ZNF541: variants seen among roughly 807,000 people sequenced by gnomAD.
ZNF541 encodes zinc finger protein 541.
In ZNF541, 23 loss-of-function variants were observed where a neutral mutation model predicts 123.5. The observed-to-expected ratio is 0.19, with a 90% CI of 0.13 to 0.26. ZNF541 has a LOEUF of 0.26. Among genes scored for constraint, ZNF541 ranks in the 10% least tolerant of loss-of-function variants. ZNF541 has a pLI of 1.00. For missense variants in ZNF541, 1,612 were observed against 1,789.9 expected (o/e 0.90, Z 1.79); for synonymous variants, 751 against 754.5 (o/e 1.00, Z 0.08).
chr19:47,553,836 G>C (rs778730884), intron 3 of ZNF541, among the ~76,000 whole-genome samples: 7 of 152,136 alleles, frequency 4.6e-5, no homozygotes, highest in Non-Finnish European at 8.8e-5. Context: ...CACCATGTCC[G>C]GCCAGAGCTA....
intron 4 of ZNF541, among the ~76,000 whole-genome samples, chr19:47,546,947 T>C (rs574997168): frequency 6.6e-6 from 1 of 152,340 alleles, no homozygotes; most frequent in Admixed American, 6.5e-5. Flanking sequence ...CTCGAACTCC[T>C]GACCCTCAAG....
intron 3 of ZNF541, among the ~76,000 whole-genome samples, chr19:47,551,041 CTTTT>C (rs201167827): frequency 1.4e-5 from 2 of 144,178 alleles, no homozygotes; most frequent in African/African-American, 2.6e-5. Flanking sequence ...ATTAGACTGT[CTTTT>C]TTTTTTTAAT....
chr19:47,525,986 A>G (rs1306935941), intron 14 of ZNF541, among the ~76,000 whole-genome samples: 2 of 151,880 alleles, frequency 1.3e-5, no homozygotes, highest in Admixed American at 1.3e-4. Context: ...TGGGTTAGGC[A>G]AAGAATTCTT....
intron 3 of ZNF541, 51 bp downstream of exon 3, chr19:47,555,499 A>G: frequency 6.8e-7 from 1 of 1,471,396 alleles, no homozygotes; most frequent in Non-Finnish European, 9.0e-7. Flanking sequence ...AGCTGGCCAC[A>G]GAAACTGTCG....
intron 4 of ZNF541, among the ~76,000 whole-genome samples, chr19:47,548,124 AAAAAC>A (rs1970434559): frequency 8.2e-6 from 1 of 122,522 alleles, no homozygotes; most frequent in Admixed American, 7.8e-5. Flanking sequence ...AAAAAGAAAA[AAAAAC>A]AAAAAAAAAA....
At chr19:47,564,871 C>A (rs1038119355) in intron 2 of ZNF541, among the ~76,000 whole-genome samples, 3 of 152,174 alleles carry the variant, frequency 2.0e-5, no homozygotes, top group Admixed American at 6.6e-5. Flanking sequence ...ATGTTTAGAG[C>A]AGCATAATTT....
chr19:47,542,828 C>G (rs969587371), intron 5 of ZNF541, among the ~76,000 whole-genome samples: 4 of 152,138 alleles, frequency 2.6e-5, no homozygotes, highest in African/African-American at 7.2e-5. Flanking sequence ...TGCCTGTAAT[C>G]CCAGCTACTC....
intron 2 of ZNF541, among the ~76,000 whole-genome samples, chr19:47,561,346 G>A (rs1000275382): frequency 2.6e-5 from 4 of 152,014 alleles, no homozygotes; most frequent in East Asian, 1.9e-4. Flanking sequence ...GCTGAGGAGG[G>A]TGAATCGCTT....
chr19:47,565,105 T>C (rs1971211298), intron 2 of ZNF541, among the ~76,000 whole-genome samples: 1 of 151,858 alleles, frequency 6.6e-6, no homozygotes, highest in African/African-American at 2.4e-5. Context: ...AGAGCTAAGC[T>C]ATGAGGATTA....
intron 2 of ZNF541, among the ~76,000 whole-genome samples, chr19:47,570,683 T>C (rs555444346): frequency 6.6e-6 from 1 of 151,938 alleles, no homozygotes; most frequent in Non-Finnish European, 1.5e-5. Context: ...GAAAGTTGAT[T>C]AGTTTAAACT....
At chr19:47,564,143 T>A (rs894216560) in intron 2 of ZNF541, among the ~76,000 whole-genome samples, 1 of 152,198 alleles carries the variant, frequency 6.6e-6, no homozygotes, top group East Asian at 1.9e-4. Flanking sequence ...AACTGAACTG[T>A]ATACTGCACT....
chr19:47,538,984 C>T (rs1427758614), intron 8 of ZNF541, among the ~76,000 whole-genome samples: 1 of 152,194 alleles, frequency 6.6e-6, no homozygotes. Flanking sequence ...TACTCCTCCT[C>T]ATCCTCTAGG....
At chr19:47,571,239 AGTAGCT>A (rs1971467056) in intron 2 of ZNF541, among the ~76,000 whole-genome samples, 1 of 151,282 alleles carries the variant, frequency 6.6e-6, no homozygotes, top group South Asian at 2.1e-4. Context: ...CAGCCTTCCC[AGTAGCT>A]GGGACTACAG....
In ZNF541 at chr19:47,521,475, G is replaced by A; in HGVS notation, c.3887+4C>T. 1 of 1,551,482 alleles carries A rather than the reference G, an allele frequency of 6.4e-7. No homozygotes were observed. Among genetic ancestry groups the A allele is most frequent in the Non-Finnish European group, 8.7e-7 (1 of 1,146,822 alleles). On this transcript the variant is annotated splice_donor_region_variant and intron_variant, in intron 16 of 16. Transcript: ENST00000391901. This position sits in a 1 kb window ranked among gnomAD's most constrained non-coding sequence, Gnocchi z 4.2. ...GGGAGTGTTTCCAGGAGAAAGCTGG[G>A]TACCTTTCACACTCTCTGCATGGAA... is the stretch of plus-strand genomic sequence containing the variant.
intron 9 of ZNF541, among the ~76,000 whole-genome samples, chr19:47,537,237 G>A (rs1027829075): frequency 4.6e-5 from 7 of 152,168 alleles, no homozygotes; most frequent in African/African-American, 9.7e-5. Flanking sequence ...TGCATGGTAT[G>A]TGAAGTACAG....
chr19:47,555,977 G>C, intron 2 of ZNF541, 23 bp from the exon 3 acceptor site: 2 of 1,089,906 alleles, frequency 1.8e-6, no homozygotes. Flanking sequence ...CAAGAAGAAT[G>C]AAAGTTATTA....
At chr19:47,560,404 C>T (rs7249434) in intron 2 of ZNF541, among the ~76,000 whole-genome samples, 6,525 of 151,870 alleles carry the variant, frequency 0.043, 452 homozygotes, top group African/African-American at 0.15. Flanking sequence ...GGTGAAACTC[C>T]GTTTCCACTA....
At chr19:47,536,616 C>T (rs1240702001) in intron 9 of ZNF541, among the ~76,000 whole-genome samples, 1 of 152,068 alleles carries the variant, frequency 6.6e-6, no homozygotes, top group Non-Finnish European at 1.5e-5. Context: ...AAAAATTAGC[C>T]AGGCATGGGG....
chr19:47,535,727 GTT>G (rs556228596), intron 9 of ZNF541, among the ~76,000 whole-genome samples: 2 of 143,202 alleles, frequency 1.4e-5, no homozygotes, highest in Non-Finnish European at 1.5e-5. Context: ...CCCCAGAGTT[GTT>G]TTTTTTTTTT....
Sources: allele counts gnomAD v4.1 joint callset (sites outside exome capture counted in the v4.1 genomes callset), GRCh38; gene constraint gnomAD v4.1.1; non-coding constraint Gnocchi (gnomAD v3.1); transcripts MANE v1.5; gene names NCBI Gene and HGNC (gene_info 2026-07-23, HGNC 2026-07-21).